The following UGT1A6 variants were observed in gnomAD, a reference collection of about 807,000 sequenced individuals.
The protein encoded by UGT1A6 is UDP glucuronosyltransferase family 1 member A6.
Under a neutral mutation model 44.4 loss-of-function variants are expected in UGT1A6, and 32 were observed. That is an observed-to-expected ratio of 0.72 (90% confidence interval 0.54 to 0.97). The LOEUF (loss-of-function observed/expected upper bound fraction) is 0.97. Among genes scored for constraint, UGT1A6 ranks in the 50% least tolerant of loss-of-function variants. The probability of loss-of-function intolerance (pLI) is 0.00; values close to 1 mark genes in which losing one functional copy is unlikely to be tolerated. For synonymous variants in UGT1A6, 238 were observed against 248.5 expected (o/e 0.96, Z 0.40); for missense variants, 685 against 661.9 (o/e 1.03, Z -0.38).
rs72551343 is a variant in UGT1A6, at chr2:233,760,912, C to T, written c.862-6122C>T. 1.4e-5 allele frequency: 23 copies of T among 1,614,070 alleles called. 1 individual carries two copies. In the South Asian group the frequency reaches 1.5e-4, roughly 11 times the overall value. On this transcript the variant is annotated intron_variant, in intron 1 of 4. Transcript: ENST00000305139. ...TTCAGATCACATGACCTTCCTGCAGCGGGTGAAGAACATGCTCATTGCCTT... is the reference window on the plus strand; with the variant it reads ...TTCAGATCACATGACCTTCCTGCAGTGGGTGAAGAACATGCTCATTGCCTT...
Position 233,719,442 on chromosome 2 carries a change from C to A in UGT1A6, c.861+25577C>A, listed in dbSNP as rs1309137091. Reference sequence around the variant, plus strand: ...GACCAATTCAGACCACATGACATTCCTGCAAAGGGTCAAGAACATGCTCTA... The same window carrying A: ...GACCAATTCAGACCACATGACATTCATGCAAAGGGTCAAGAACATGCTCTA... On this transcript the variant is annotated intron_variant, in intron 1 of 4. Coordinates refer to ENST00000305139, the MANE Select transcript of UGT1A6 (RefSeq NM_001072.4). The A allele has an allele frequency of 1.5e-5, 25 of 1,613,838 alleles. No individual in the cohort carries two copies. The East Asian group carries it at 1.6e-4, about 10-fold the overall frequency.
intron 1 of UGT1A6, among the ~76,000 whole-genome samples, chr2:233,757,896 C>T (rs1297679272): frequency 6.6e-6 from 1 of 152,080 alleles, no homozygotes; most frequent in Non-Finnish European, 1.5e-5. Flanking sequence ...GAAACACTTT[C>T]CATGGACGTG....
At chr2:233,768,006 T>C in intron 3 of UGT1A6, 70 bp downstream of exon 3, 1 of 1,614,080 alleles carries the variant, frequency 6.2e-7, no homozygotes, top group South Asian at 1.1e-5. Context: ...AGCACAGCTA[T>C]TCTAAAGGAT....
At chr2:233,760,299 G>T (rs781590934) in intron 1 of UGT1A6, 2 of 1,613,582 alleles carry the variant, frequency 1.2e-6, no homozygotes, top group East Asian at 2.2e-5. Context: ...TGGCTGTGGA[G>T]TCCCAGGGCG....
chr2:233,712,779 C>G (rs2076254516), intron 1 of UGT1A6, among the ~76,000 whole-genome samples: 1 of 152,186 alleles, frequency 6.6e-6, no homozygotes, highest in Non-Finnish European at 1.5e-5. Flanking sequence ...ATGAGTTTTT[C>G]AAGATAGGAG....
At chr2:233,747,515 T>C in intron 1 of UGT1A6, 2 of 1,607,616 alleles carry the variant, frequency 1.2e-6, no homozygotes, top group Non-Finnish European at 1.7e-6. Context: ...AACTGTACTT[T>C]GAAACAGAAC....
At chr2:233,743,788 C>T (rs1478609008) in intron 1 of UGT1A6, 1 of 1,367,378 alleles carries the variant, frequency 7.3e-7, no homozygotes, top group Admixed American at 1.9e-5. Flanking sequence ...TGAATCTCCT[C>T]TCCGCTTCCT....
chr2:233,723,392 T>C (rs1199723178), intron 1 of UGT1A6, among the ~76,000 whole-genome samples: 1 of 129,940 alleles, frequency 7.7e-6, no homozygotes, highest in Non-Finnish European at 1.6e-5. Context: ...GTACTTTTAG[T>C]AGAGATGGGG....
chr2:233,724,316 G>C (rs1421066037), intron 1 of UGT1A6, among the ~76,000 whole-genome samples: 63 of 131,144 alleles, frequency 4.8e-4, no homozygotes, highest in East Asian at 1.0e-3. Context: ...TCCCGGACGG[G>C]GCGGCTGGCC....
At chr2:233,747,937 A>G in intron 1 of UGT1A6, 1 of 1,613,182 alleles carries the variant, frequency 6.2e-7, no homozygotes, top group Non-Finnish European at 8.5e-7. Context: ...TTTCAGAGGG[A>G]GGTGTCAGTG....
chr2:233,762,134 T>C (rs1697981435), intron 1 of UGT1A6, among the ~76,000 whole-genome samples: 1 of 152,212 alleles, frequency 6.6e-6, no homozygotes, highest in African/African-American at 2.4e-5. Flanking sequence ...TGTGGGGACC[T>C]GTGTGACTTT....
At chr2:233,705,061 G>A (rs10180090) in intron 1 of UGT1A6, among the ~76,000 whole-genome samples, 62,946 of 151,510 alleles carry the variant, frequency 0.42, 13,988 homozygotes, top group African/African-American at 0.57. Context: ...GCTTGAACCC[G>A]GGAGGCGGAG....
chr2:233,707,730 G>A (rs910069096), intron 1 of UGT1A6, among the ~76,000 whole-genome samples: 2 of 152,114 alleles, frequency 1.3e-5, no homozygotes, highest in Admixed American at 6.6e-5. Flanking sequence ...ATGTTACAAC[G>A]AACATTCTTT....
intron 1 of UGT1A6, among the ~76,000 whole-genome samples, chr2:233,710,136 G>C (rs2076112958): frequency 6.6e-6 from 1 of 152,178 alleles, no homozygotes; most frequent in African/African-American, 2.4e-5. Context: ...GCATTTCATT[G>C]TATAGATATA....
intron 1 of UGT1A6, among the ~76,000 whole-genome samples, chr2:233,745,269 G>A (rs528500230): frequency 2.6e-5 from 4 of 151,940 alleles, no homozygotes; most frequent in Admixed American, 2.6e-4. Context: ...CTTGCAGGCC[G>A]TGTGTATAGC....
At chr2:233,727,339 C>T (rs2077606972) in intron 1 of UGT1A6, among the ~76,000 whole-genome samples, 2 of 152,160 alleles carry the variant, frequency 1.3e-5, no homozygotes, top group Admixed American at 6.5e-5. Flanking sequence ...TCCTCCCTCC[C>T]CATAGTTCTG....
Position 233,769,629 on chromosome 2 carries a change from CAG to C in UGT1A6, c.1301+1191_1301+1192del, listed in dbSNP as rs1699910145. On this transcript the variant is annotated intron_variant, in intron 4 of 4. Transcript: ENST00000305139. The surrounding 1 kb of genome is among the most constrained non-coding windows in gnomAD (Gnocchi z 4.4). ...ACACACCAGCTTGAGCAAGGGACAA[CAG>C]GGGAGGACTGATGACTGACTTCCCA... 1.2e-6 allele frequency: 2 copies of C among 1,611,730 alleles called. No homozygotes were observed.
chr2:233,725,481 C>T (rs1370890816), intron 1 of UGT1A6, among the ~76,000 whole-genome samples: 11 of 151,704 alleles, frequency 7.3e-5, no homozygotes, highest in Non-Finnish European at 1.5e-4. Context: ...TGTTAGAAAC[C>T]AGCAAAAAGA....
Position 233,730,003 on chromosome 2 carries a change from G to C in UGT1A6, c.861+36138G>C, listed in dbSNP as rs2077967778. The C allele has an allele frequency of 2.5e-6, 4 of 1,613,818 alleles. No individual in the cohort carries two copies. The South Asian group carries it at 3.3e-5, about 13-fold the overall frequency. On this transcript the variant is annotated intron_variant, in intron 1 of 4. Coordinates refer to ENST00000305139, the MANE Select transcript of UGT1A6 (RefSeq NM_001072.4). ...GAAGCCACTATCTCAGGTCTGTATT[G>C]GTGCCTTCATCCAATCAATGTTCCA... is the stretch of plus-strand genomic sequence containing the variant.
Sources: gnomAD v4.1 joint callset for allele counts (sites outside exome capture counted in the v4.1 genomes callset) on GRCh38, gnomAD v4.1.1 for gene constraint, Gnocchi (gnomAD v3.1) non-coding constraint, MANE v1.5 for transcripts, NCBI Gene and HGNC (gene_info 2026-07-23, HGNC 2026-07-21) for gene names.